The following NLGN4X variants were observed in gnomAD, a reference collection of about 807,000 sequenced individuals.
NLGN4X encodes neuroligin-4, X-linked.
Under a neutral mutation model 40.3 loss-of-function variants are expected in NLGN4X, and 3 were observed. That is an observed-to-expected ratio of 0.07 (90% confidence interval 0.03 to 0.19). The LOEUF is 0.19. Ranked by LOEUF, NLGN4X falls within the 10% of genes least tolerant of loss-of-function variation. The pLI, the probability that NLGN4X is intolerant of heterozygous loss-of-function variation, is 1.00. For synonymous variants in NLGN4X, 270 were observed against 306.8 expected (o/e 0.88, Z 1.25); for missense variants, 382 against 708.3 (o/e 0.54, Z 5.23).
intron 2 of NLGN4X, among the ~76,000 whole-genome samples, chrX:6,148,736 G>A (rs1364292387): frequency 2.7e-5 from 3 of 111,293 alleles, no homozygotes; most frequent in South Asian, 3.8e-4. Context: ...GGATGGTCTC[G>A]ATCTCCTAAC....
At chrX:5,982,558 A>T (rs1228818312) in intron 3 of NLGN4X, among the ~76,000 whole-genome samples, 1 of 112,319 alleles carries the variant, frequency 8.9e-6, no homozygotes, top group African/African-American at 3.2e-5. Context: ...CAACCTTCTT[A>T]TTGAAAATGG....
At chrX:5,918,273 C>T (rs1332839612) in intron 3 of NLGN4X, among the ~76,000 whole-genome samples, 2 of 111,091 alleles carry the variant, frequency 1.8e-5, no homozygotes, top group East Asian at 2.8e-4. Flanking sequence ...TATTAAGATA[C>T]ATTTTTGTAC....
intron 5 of NLGN4X, among the ~76,000 whole-genome samples, chrX:5,900,605 G>A (rs1189333517): frequency 1.2e-5 from 1 of 84,757 alleles, no homozygotes; most frequent in Non-Finnish European, 2.2e-5. Flanking sequence ...TAAAGGTTTC[G>A]GTCTGTCACC....
At chrX:5,910,858 A>T (rs965791124) in intron 3 of NLGN4X, among the ~76,000 whole-genome samples, 2 of 111,871 alleles carry the variant, frequency 1.8e-5, no homozygotes, top group African/African-American at 3.2e-5. Context: ...CTTAAGACAC[A>T]TCCTACCAAT....
Position 6,055,886 on chromosome X carries a change from T to G in NLGN4X, c.473-26454A>C, listed in dbSNP as rs774578046. On this transcript the variant is annotated intron_variant, in intron 2 of 5. Coordinates refer to ENST00000381095, the MANE Select transcript of NLGN4X (RefSeq NM_181332.3). ...GCCAAAGATTTGTTGAATTCTTTAA[T>G]TCATTGTCTGCCATGATTTGATAGT... Among the ~76,000 whole-genome samples the G allele has an allele frequency of 4.1e-4, 46 of 111,986 alleles. No homozygotes were observed. In the East Asian group the frequency reaches 0.013, roughly 31 times the overall value.
chrX:6,190,010 CAAAT>C (rs1444974859), intron 1 of NLGN4X, among the ~76,000 whole-genome samples: 1 of 108,523 alleles, frequency 9.2e-6, no homozygotes, highest in African/African-American at 3.4e-5. Context: ...TTTGATAAGA[CAAAT>C]AAATCTATAC....
At chrX:5,981,204 T>C (rs2035378249) in intron 3 of NLGN4X, among the ~76,000 whole-genome samples, 1 of 111,018 alleles carries the variant, frequency 9.0e-6, no homozygotes, top group South Asian at 3.8e-4. Context: ...TAAATAAAAA[T>C]AGCAAAAGAC....
intron 3 of NLGN4X, among the ~76,000 whole-genome samples, chrX:5,930,254 A>G (rs1453883361): frequency 8.9e-6 from 1 of 112,602 alleles, no homozygotes; most frequent in Non-Finnish European, 1.9e-5. Flanking sequence ...TTTTATGAAA[A>G]GAGTAACTGG....
In NLGN4X at chrX:6,151,686, T is replaced by C; in HGVS notation, c.-220A>G. The C allele has an allele frequency of 2.3e-6, 1 of 433,186 alleles. No homozygotes were observed. Among genetic ancestry groups the C allele is most frequent in the Non-Finnish European group, 4.0e-6 (1 of 248,268 alleles). 35.7% of individuals were successfully genotyped at this position (433,186 alleles called of 1,213,427 possible). A position where few individuals can be genotyped will look rare whatever the true frequency, so the allele number is the denominator to read the frequency against. On this transcript the variant is annotated 5_prime_UTR_variant, in exon 2 of 6. Transcript: ENST00000381095. ...GGCAGCCCTCCCTTAATCCTGAAACTGGATTCCAGCAACTGCAATGCTCCA... is the reference window on the plus strand; with the variant it reads ...GGCAGCCCTCCCTTAATCCTGAAACCGGATTCCAGCAACTGCAATGCTCCA...
chrX:6,209,991 CAGG>C (rs1924420839), intron 1 of NLGN4X, among the ~76,000 whole-genome samples: 1 of 111,766 alleles, frequency 8.9e-6, no homozygotes, highest in African/African-American at 3.2e-5. Flanking sequence ...GCTGGGATTA[CAGG>C]AGCGAGCCAT....
chrX:6,179,164 G>C (rs1463520047), intron 1 of NLGN4X, among the ~76,000 whole-genome samples: 1 of 80,717 alleles, frequency 1.2e-5, no homozygotes, highest in Non-Finnish European at 2.3e-5. Flanking sequence ...TGGTAGGGGA[G>C]TATGTGTGTA....
chrX:6,227,544 C>G (rs1283973333), intron 1 of NLGN4X: 5 of 110,520 alleles, frequency 4.5e-5, no homozygotes, highest in African/African-American at 9.9e-5. Context: ...AGACTACACT[C>G]AAAGGCTCCG....
At chrX:6,228,298 C>T (rs918769518) in intron 1 of NLGN4X, among the ~76,000 whole-genome samples, 2 of 111,337 alleles carry the variant, frequency 1.8e-5, no homozygotes, top group Non-Finnish European at 3.8e-5. Flanking sequence ...CATGTAAAAA[C>T]CGTATGAAGG....
chrX:6,130,398 G>C (rs150185729), intron 2 of NLGN4X, among the ~76,000 whole-genome samples: 106 of 111,782 alleles, frequency 9.5e-4, no homozygotes, highest in Non-Finnish European at 1.7e-3. Flanking sequence ...GAGGTATAAA[G>C]CTTACCTAAA....
chrX:6,218,907 T>C lies in NLGN4X; in HGVS notation c.-306+9634A>G, dbSNP rs149531697. ...TAATGTGTCCATTTTCAGGATATAATTGAAGAGAGGCAAATGATATATGGT... is the reference window on the plus strand; with the variant it reads ...TAATGTGTCCATTTTCAGGATATAACTGAAGAGAGGCAAATGATATATGGT... On this transcript the variant is annotated intron_variant, in intron 1 of 5. Coordinates refer to ENST00000381095, the MANE Select transcript of NLGN4X (RefSeq NM_181332.3). Among the ~76,000 whole-genome samples, 342 of 107,760 alleles carry C rather than the reference T, an allele frequency of 3.2e-3. 16 individuals are homozygous for C. The East Asian group carries it at 0.085, about 27-fold the overall frequency. 93.6% of individuals were successfully genotyped at this position (107,760 alleles called of 115,157 possible).
At chrX:6,186,208 T>C (rs1211998814) in intron 1 of NLGN4X, among the ~76,000 whole-genome samples, 3 of 112,497 alleles carry the variant, frequency 2.7e-5, no homozygotes, top group Non-Finnish European at 5.6e-5. Flanking sequence ...ATTTTAGGCT[T>C]TGTAGGCCAT....
At chrX:6,047,402 C>T (rs755052352) in intron 2 of NLGN4X, among the ~76,000 whole-genome samples, 2 of 111,526 alleles carry the variant, frequency 1.8e-5, no homozygotes, top group Non-Finnish European at 3.8e-5. Context: ...CACCTAAGCC[C>T]GGGACCAAGG....
chrX:6,181,625 G>A (rs756275042), intron 1 of NLGN4X, among the ~76,000 whole-genome samples: 8 of 111,189 alleles, frequency 7.2e-5, no homozygotes, highest in Non-Finnish European at 1.5e-4. Context: ...ATAGCCAAAG[G>A]GCTCAGTGCT....
intron 3 of NLGN4X, among the ~76,000 whole-genome samples, chrX:6,004,539 G>A (rs757172047): frequency 2.7e-5 from 3 of 112,038 alleles, no homozygotes; most frequent in Non-Finnish European, 5.6e-5. Flanking sequence ...ACAAGTTATA[G>A]AGAGGAAATG....
Sources: gnomAD v4.1 joint callset for allele counts (sites outside exome capture counted in the v4.1 genomes callset) on GRCh38, gnomAD v4.1.1 for gene constraint, MANE v1.5 for transcripts, NCBI Gene and HGNC (gene_info 2026-07-23, HGNC 2026-07-21) for gene names.